The following RBFOX1 variants were observed in gnomAD, a reference collection of about 807,000 sequenced individuals.
RBFOX1 encodes the protein RNA binding fox-1 homolog 1.
Under a neutral mutation model 57.7 loss-of-function variants are expected in RBFOX1, and 8 were observed. That is an observed-to-expected ratio of 0.14 (90% CI 0.08 to 0.25). RBFOX1 has a LOEUF of 0.25. RBFOX1 is among the 10% of genes least tolerant of loss of function. RBFOX1 has a pLI of 1.00. For missense variants in RBFOX1, 611 were observed against 548.5 expected (o/e 1.11, Z -1.14); for synonymous variants, 326 against 222.4 (o/e 1.47, Z -4.15).
chr16:6,929,888 C>G (rs1414595721), intron 3 of RBFOX1, among the ~76,000 whole-genome samples: 1 of 152,054 alleles, frequency 6.6e-6, no homozygotes, highest in East Asian at 1.9e-4. Context: ...TGCTTTAGCC[C>G]TTATGGAGGA....
chr16:6,739,681 A>T (rs1401674446), intron 3 of RBFOX1, among the ~76,000 whole-genome samples: 1 of 152,164 alleles, frequency 6.6e-6, no homozygotes, highest in Non-Finnish European at 1.5e-5. Context: ...GTTCGAGACC[A>T]GCTTGGCCAA....
At chr16:5,740,465 C>G (rs1443269023) in intron 3 of RBFOX1, among the ~76,000 whole-genome samples, 1 of 152,204 alleles carries the variant, frequency 6.6e-6, no homozygotes, top group Non-Finnish European at 1.5e-5. Flanking sequence ...AATTATCTCA[C>G]TTAACCTTGT....
At chr16:5,307,684 C>T (rs1239654139) in intron 1 of RBFOX1, among the ~76,000 whole-genome samples, 3 of 152,092 alleles carry the variant, frequency 2.0e-5, no homozygotes, top group African/African-American at 7.2e-5. Context: ...TGAATTATTA[C>T]TACTTTTTAG....
At chr16:7,256,848 C>T (rs569025574) in intron 4 of RBFOX1, among the ~76,000 whole-genome samples, 134 of 152,292 alleles carry the variant, frequency 8.8e-4, no homozygotes, top group Admixed American at 1.6e-3. Context: ...TTTGTGGATA[C>T]CTGTCACTTC....
At chr16:5,470,153 G>A (rs1303549879) in intron 2 of RBFOX1, among the ~76,000 whole-genome samples, 2 of 152,206 alleles carry the variant, frequency 1.3e-5, no homozygotes, top group African/African-American at 4.8e-5. Context: ...GAACAGAGCC[G>A]AGGTCTCAAG....
chr16:6,458,100 GT>G, intron 2 of RBFOX1, among the ~76,000 whole-genome samples: 1 of 152,318 alleles, frequency 6.6e-6, no homozygotes, highest in Non-Finnish European at 1.5e-5. Flanking sequence ...GGCTGGGGAA[GT>G]TTGAAGAAGG....
chr16:6,136,260 C>T (rs567541807), intron 1 of RBFOX1, among the ~76,000 whole-genome samples: 37 of 152,246 alleles, frequency 2.4e-4, no homozygotes, highest in South Asian at 1.5e-3. Context: ...TGCCCTCCTC[C>T]GGCAGGGCCA....
chr16:6,006,488 C>G (rs2094927993), intron 4 of RBFOX1, among the ~76,000 whole-genome samples: 1 of 152,182 alleles, frequency 6.6e-6, no homozygotes, highest in Non-Finnish European at 1.5e-5. Flanking sequence ...ACCAGAGAAC[C>G]TGCCAACGTG....
At chr16:7,066,798 T>A (rs11077131) in intron 4 of RBFOX1, among the ~76,000 whole-genome samples, 1 of 152,256 alleles carries the variant, frequency 6.6e-6, no homozygotes, top group South Asian at 2.1e-4. Flanking sequence ...CACAAAGGTT[T>A]GGTTCAATAA....
intron 4 of RBFOX1, among the ~76,000 whole-genome samples, chr16:5,964,998 T>C (rs774940227): frequency 6.6e-5 from 10 of 152,166 alleles, no homozygotes; most frequent in Non-Finnish European, 1.2e-4. Flanking sequence ...TGGATGATTC[T>C]GGAGGACATT....
At chr16:6,025,363 T>C (rs1311149437) in intron 1 of RBFOX1, among the ~76,000 whole-genome samples, 1 of 152,176 alleles carries the variant, frequency 6.6e-6, no homozygotes, top group East Asian at 1.9e-4. Context: ...AGGGATTACT[T>C]TATAGGGAAA....
chr16:7,640,233 C>A (rs911924025), intron 11 of RBFOX1, among the ~76,000 whole-genome samples: 1 of 152,148 alleles, frequency 6.6e-6, no homozygotes, highest in African/African-American at 2.4e-5. Flanking sequence ...TTAACCAATT[C>A]CAAGAAAGAA....
intron 3 of RBFOX1, among the ~76,000 whole-genome samples, chr16:5,799,232 A>G (rs1444170598): frequency 6.6e-6 from 1 of 152,124 alleles, no homozygotes. Flanking sequence ...TACCATAAGT[A>G]CAGTATGGGG....
chr16:6,294,470 T>C (rs2077842982), intron 1 of RBFOX1, among the ~76,000 whole-genome samples: 1 of 152,206 alleles, frequency 6.6e-6, no homozygotes, highest in Admixed American at 6.5e-5. Context: ...TTAGATAATC[T>C]CACTTGCAGT....
intron 1 of RBFOX1, among the ~76,000 whole-genome samples, chr16:6,025,400 T>C (rs1311633899): frequency 6.6e-6 from 1 of 152,228 alleles, no homozygotes; most frequent in East Asian, 1.9e-4. Context: ...AGTAATGTTC[T>C]TTGTGTGAGG....
At chr16:6,044,910 T>C (rs1323948396) in intron 1 of RBFOX1, among the ~76,000 whole-genome samples, 2 of 152,228 alleles carry the variant, frequency 1.3e-5, no homozygotes, top group Non-Finnish European at 2.9e-5. Flanking sequence ...TGCATACATG[T>C]AGACCAACTT....
intron 2 of RBFOX1, among the ~76,000 whole-genome samples, chr16:6,542,362 G>A (rs1454243028): frequency 2.0e-5 from 3 of 152,050 alleles, no homozygotes; most frequent in Middle Eastern, 6.4e-3. Context: ...ATGCAGGGGT[G>A]AGGCAGGTGT....
intron 2 of RBFOX1, among the ~76,000 whole-genome samples, chr16:5,584,088 T>C (rs2046757492): frequency 6.6e-6 from 1 of 152,192 alleles, no homozygotes; most frequent in African/African-American, 2.4e-5. Flanking sequence ...TCATGTGGGT[T>C]ACTGACAACT....
intron 2 of RBFOX1, among the ~76,000 whole-genome samples, chr16:5,547,150 T>G (rs1168828175): frequency 6.6e-6 from 1 of 152,198 alleles, no homozygotes; most frequent in Non-Finnish European, 1.5e-5. Flanking sequence ...ACATTGCTTA[T>G]GAGAATGTAA....
Sources: allele counts gnomAD v4.1 joint callset (sites outside exome capture counted in the v4.1 genomes callset), GRCh38; gene constraint gnomAD v4.1.1; transcripts MANE v1.5; gene names NCBI Gene and HGNC (gene_info 2026-07-23, HGNC 2026-07-21).